Variants in SCARA3 observed in about 807,000 individuals in gnomAD.
The protein encoded by SCARA3 is scavenger receptor class A member 3.
Under a neutral mutation model 47.0 loss-of-function variants are expected in SCARA3, and 39 were observed. The ratio of observed to expected loss-of-function variants is 0.83; its 90% CI spans 0.64 to 1.08. The LOEUF (loss-of-function observed/expected upper bound fraction) is 1.08, where lower values mean the gene tolerates loss of function less well. Ranked by LOEUF, SCARA3 falls within the 50% of genes least tolerant of loss-of-function variation. The pLI, the probability that SCARA3 is intolerant of heterozygous loss-of-function variation, is 0.00. For missense variants in SCARA3, 724 were observed against 792.3 expected (o/e 0.91, Z 1.04); for synonymous variants, 356 against 334.1 (o/e 1.07, Z -0.71).
chr8:27,686,992 T>C, the SCARA3 span, among the ~76,000 whole-genome samples: 1 of 152,152 alleles, frequency 6.6e-6, no homozygotes, highest in Non-Finnish European at 1.5e-5. Context: ...AATCCTATTT[T>C]ATTTTGGATA....
the SCARA3 span, among the ~76,000 whole-genome samples, chr8:27,693,930 A>T: frequency 1.3e-5 from 2 of 152,184 alleles, no homozygotes; most frequent in South Asian, 4.1e-4. Flanking sequence ...TGTACGTCTT[A>T]CAGGTATCGT....
the SCARA3 span, among the ~76,000 whole-genome samples, chr8:27,727,135 C>T: frequency 3.3e-5 from 5 of 152,256 alleles, no homozygotes; most frequent in South Asian, 1.0e-3. Flanking sequence ...TGGTCTCGAA[C>T]TCCTGGGCTC....
chr8:27,651,699 C>G (rs1801637663), intron 3 of SCARA3, 72 bp downstream of exon 3: 1 of 1,579,822 alleles, frequency 6.3e-7, no homozygotes, highest in African/African-American at 1.3e-5. Context: ...AAAAGTTCCC[C>G]TGCAAAGACA....
the SCARA3 span, among the ~76,000 whole-genome samples, chr8:27,689,666 C>T: frequency 6.6e-6 from 1 of 152,318 alleles, no homozygotes; most frequent in East Asian, 1.9e-4. Flanking sequence ...GATGGCCCAG[C>T]TGGGTCCTTG....
At chr8:27,715,589 T>TGATAGATA in the SCARA3 span, among the ~76,000 whole-genome samples, 168 of 45,752 alleles carry the variant, frequency 3.7e-3, no homozygotes, top group Middle Eastern at 0.022. The surrounding 1 kb of genome is among the most constrained non-coding windows in gnomAD (Gnocchi z 4.2). Flanking sequence ...CCTAGATAGA[T>TGATAGATA]GATAGATAGA....
chr8:27,679,990 G>C (rs1248546028), downstream of SCARA3: 2 of 151,196 alleles, frequency 1.3e-5, no homozygotes, highest in Non-Finnish European at 3.0e-5. Flanking sequence ...CCATAGATCA[G>C]AAAGAAAAAA....
chr8:27,726,138 T>C, the SCARA3 span, among the ~76,000 whole-genome samples: 1 of 152,162 alleles, frequency 6.6e-6, no homozygotes, highest in East Asian at 1.9e-4. Flanking sequence ...GTGCATGACA[T>C]GCACAAAGGA....
chr8:27,677,422 A>G (rs1351304272), downstream of SCARA3, among the ~76,000 whole-genome samples: 1 of 152,184 alleles, frequency 6.6e-6, no homozygotes, highest in Non-Finnish European at 1.5e-5. Flanking sequence ...GCTCGAATCT[A>G]TGGGGAATCT....
At chr8:27,720,630 A>C in the SCARA3 span, among the ~76,000 whole-genome samples, 1 of 147,584 alleles carries the variant, frequency 6.8e-6, no homozygotes, top group African/African-American at 2.5e-5. Context: ...CCATCCATCC[A>C]TCCATCCATC....
Position 27,634,115 on chromosome 8 carries a change from C to G in SCARA3, c.-86C>G. 1 of 1,323,544 alleles carries G rather than the reference C, an allele frequency of 7.6e-7. No individual in the cohort carries two copies. The highest frequency in any genetic ancestry group is 9.9e-7 in the Non-Finnish European group (1 of 1,012,246). The allele number at this position is 1,323,544 out of a possible 1,614,324, so 82.0% of individuals were successfully genotyped here. Reference sequence around the variant, plus strand: ...GCGGCGCCTAGGACGGCGATCCGCGCCCTGGAGGATCCGCCGGCCGCCCGG... The same window carrying G: ...GCGGCGCCTAGGACGGCGATCCGCGGCCTGGAGGATCCGCCGGCCGCCCGG... On this transcript the variant is annotated 5_prime_UTR_variant, in exon 1 of 6. Transcript: ENST00000301904.
At chr8:27,680,497 G>A (rs1429551010), downstream of SCARA3, among the ~76,000 whole-genome samples, 1 of 151,984 alleles carries the variant, frequency 6.6e-6, no homozygotes, top group South Asian at 2.1e-4. Context: ...AAAAATCACA[G>A]AAACTAATAC....
In SCARA3 at chr8:27,659,364, C is replaced by A. The variant is rs1801840042; in HGVS notation, c.1194C>A (p.Tyr398Ter). The change falls in exon 5 of 6, where the codon TAC becomes TAA. Residue 398 changes from tyrosine (Y) to a stop codon, truncating the protein, a stop_gained. Transcript: ENST00000301904. LOFTEE classifies it high-confidence loss of function. ...GFHTHAEELYYLNKSVSIMLG... is the reference protein window; with the variant it reads ...GFHTHAEELY The stretch of plus-strand genomic sequence containing the variant: ...ACACCCATGCCGAGGAGCTCTACTA[C>A]CTGAACAAGTCTGTCTCCATCATGC... 1.2e-6 allele frequency: 2 copies of A among 1,614,144 alleles called. No homozygotes were observed.
At chr8:27,691,855 A>AT in the SCARA3 span, among the ~76,000 whole-genome samples, 3 of 152,158 alleles carry the variant, frequency 2.0e-5, no homozygotes, top group African/African-American at 7.2e-5. Context: ...GTAGGAGGTT[A>AT]TCATAAAAGA....
At chr8:27,716,644 A>T in the SCARA3 span, among the ~76,000 whole-genome samples, 1 of 152,226 alleles carries the variant, frequency 6.6e-6, no homozygotes, top group East Asian at 1.9e-4. Context: ...ACAGAATGGT[A>T]AAGTTAAAAA....
intron 1 of SCARA3, among the ~76,000 whole-genome samples, chr8:27,644,568 G>A (rs941548472): frequency 6.6e-5 from 10 of 151,734 alleles, no homozygotes; most frequent in East Asian, 1.9e-4. Context: ...AAGCCCATCC[G>A]CTCCTGCCAA....
Position 27,672,499 on chromosome 8 carries a change from CA to C in SCARA3, c.*1149del, listed in dbSNP as rs768108167. 1.1e-4 allele frequency: 111 copies of C among 985,518 alleles called. No homozygotes were observed. Among genetic ancestry groups the C allele is most frequent in the Middle Eastern group, 5.2e-4 (1 of 1,936 alleles). 61.0% of individuals were successfully genotyped at this position (985,518 alleles called of 1,614,324 possible). On this transcript the variant is annotated 3_prime_UTR_variant, in exon 6 of 6. Coordinates refer to ENST00000301904, the MANE Select transcript of SCARA3 (RefSeq NM_016240.3). ...CTGCAGAAGGGCCAACCCCTTGCAA[CA>C]GGGCAGCTCTCGCCTCCCGCACACG...
the SCARA3 span, among the ~76,000 whole-genome samples, chr8:27,691,838 G>A: frequency 1.1e-4 from 16 of 152,004 alleles, no homozygotes; most frequent in Non-Finnish European, 1.9e-4. Flanking sequence ...GATCACTCAG[G>A]TTTCAGGTAG....
chr8:27,733,812 C>T, the SCARA3 span: 1 of 152,186 alleles, frequency 6.6e-6, no homozygotes, highest in Non-Finnish European at 1.5e-5. Context: ...CTCAGTTTTC[C>T]TCATAAACGG....
intron 1 of SCARA3, 51 bp downstream of exon 1, chr8:27,634,258 G>A (rs745545585): frequency 2.8e-5 from 37 of 1,310,804 alleles, no homozygotes; most frequent in East Asian, 1.4e-4. Context: ...CTGCACCCCC[G>A]CTCCACCCAG....
Sources: gnomAD v4.1 joint callset for allele counts (sites outside exome capture counted in the v4.1 genomes callset) on GRCh38, gnomAD v4.1.1 for gene constraint, Gnocchi (gnomAD v3.1) non-coding constraint, MANE v1.5 for transcripts, NCBI Gene and HGNC (gene_info 2026-07-23, HGNC 2026-07-21) for gene names.